ADGRL4: variants seen among roughly 807,000 people sequenced by gnomAD.
ADGRL4 encodes adhesion G protein-coupled receptor L4.
Under a neutral mutation model 74.8 loss-of-function variants are expected in ADGRL4, and 90 were observed. The observed-to-expected ratio is 1.20, with a 90% CI of 1.02 to 1.43. The LOEUF (loss-of-function observed/expected upper bound fraction) is 1.43, where lower values mean the gene tolerates loss of function less well. Ranked by LOEUF, ADGRL4 falls within the 40% of genes most tolerant of loss-of-function variation. ADGRL4 has a pLI of 0.00. For synonymous variants in ADGRL4, 311 were observed against 279.2 expected, an observed-to-expected ratio of 1.11 and a Z score of -1.14; for missense variants, 881 against 814.3, an observed-to-expected ratio of 1.08 and a Z score of -1.00.
intron 7 of ADGRL4, among the ~76,000 whole-genome samples, chr1:78,928,870 TG>T (rs1649175571): frequency 6.6e-6 from 1 of 151,502 alleles, no homozygotes; most frequent in Non-Finnish European, 1.5e-5. Flanking sequence ...AGAAAACTAC[TG>T]GGGTGACAGG....
At position 78,946,316 on chromosome 1, in the gene ADGRL4, T is replaced by C. The variant is rs1383811769; in HGVS notation, c.283A>G (p.Asn95Asp). 5 of 1,613,288 alleles carry C rather than the reference T, an allele frequency of 3.1e-6. No individual in the cohort carries two copies. In the South Asian group the frequency reaches 4.4e-5, roughly 14 times the overall value. Residue 95 changes from asparagine to aspartate, a missense_variant, in exon 3 of 15, where the codon AAC becomes GAC. Physicochemically the swap from Asn to Asp is conservative, Grantham distance 23. Transcript: ENST00000370742. ...TCATTAGTGATAAACCTGTCTTGGTTACTGCTGGATCTGAAGCCAGGTACA... is the reference window on the plus strand; with the variant it reads ...TCATTAGTGATAAACCTGTCTTGGTCACTGCTGGATCTGAAGCCAGGTACA... ...MCVPGFRSSS[N>D]QDRFITNDGT...
chr1:78,950,073 T>G (rs764721844), intron 2 of ADGRL4, among the ~76,000 whole-genome samples: 1 of 152,038 alleles, frequency 6.6e-6, no homozygotes, highest in Non-Finnish European at 1.5e-5. Context: ...AAAGAGGTAT[T>G]TAGTAGTACA....
chr1:78,987,058 G>C (rs1233481180), intron 2 of ADGRL4, among the ~76,000 whole-genome samples: 2 of 151,788 alleles, frequency 1.3e-5, no homozygotes, highest in Admixed American at 6.6e-5. Context: ...GCTATTTTAA[G>C]TAGTAAATTT....
chr1:78,904,487 TATAAG>T (rs1648589721), intron 12 of ADGRL4, among the ~76,000 whole-genome samples: 1 of 152,004 alleles, frequency 6.6e-6, no homozygotes, highest in Admixed American at 6.6e-5. Flanking sequence ...TTATATACTG[TATAAG>T]ATAATTTATA....
At chr1:78,914,420 A>G (rs1404219154) in intron 12 of ADGRL4, among the ~76,000 whole-genome samples, 2 of 151,842 alleles carry the variant, frequency 1.3e-5, no homozygotes, top group Non-Finnish European at 2.9e-5. Context: ...GGTGAACTTA[A>G]TCATACGGTT....
At chr1:78,980,807 G>T (rs1176977651) in intron 2 of ADGRL4, among the ~76,000 whole-genome samples, 1 of 151,920 alleles carries the variant, frequency 6.6e-6, no homozygotes, top group African/African-American at 2.4e-5. Flanking sequence ...GCAGAAAGTA[G>T]ATATGACAAC....
At chr1:78,948,115 A>G (rs542493088) in intron 2 of ADGRL4, among the ~76,000 whole-genome samples, 4 of 152,212 alleles carry the variant, frequency 2.6e-5, no homozygotes, top group African/African-American at 9.6e-5. Flanking sequence ...TTTTTACTTT[A>G]CCATAGTTAC....
intron 7 of ADGRL4, among the ~76,000 whole-genome samples, chr1:78,935,543 C>T (rs201699478): frequency 7.7e-6 from 1 of 129,886 alleles, no homozygotes; most frequent in Non-Finnish European, 1.7e-5. Context: ...AAAAAAAAAA[C>T]AAACCTACTT....
intron 13 of ADGRL4, among the ~76,000 whole-genome samples, chr1:78,892,032 T>C (rs983696064): frequency 6.6e-6 from 1 of 152,162 alleles, no homozygotes; most frequent in Non-Finnish European, 1.5e-5. Flanking sequence ...AATGTAATGT[T>C]GCAGGAATTC....
chr1:78,902,778 A>G (rs1356112635), intron 12 of ADGRL4, among the ~76,000 whole-genome samples: 2 of 152,080 alleles, frequency 1.3e-5, no homozygotes, highest in East Asian at 3.9e-4. Context: ...TAGTCATGAT[A>G]CCAGTGATGA....
intron 2 of ADGRL4, among the ~76,000 whole-genome samples, chr1:78,968,931 G>A (rs1050837049): frequency 1.3e-5 from 2 of 152,206 alleles, no homozygotes; most frequent in Non-Finnish European, 2.9e-5. Context: ...AAGGAAAAGT[G>A]TACAGGACTT....
In ADGRL4 at chr1:78,917,642, T is replaced by C. The variant is rs753928417; in HGVS notation, c.1741A>G (p.Ile581Val). 1.3e-6 allele frequency: 2 copies of C among 1,596,966 alleles called. No homozygotes were observed. Among genetic ancestry groups the C allele is most frequent in the Non-Finnish European group, 1.7e-6 (2 of 1,170,350 alleles). ...ATTTTATATATACATACAAGAATGA[T>C]TAGGCATGCTGGTCCTATAAAACTC... The part of the protein sequence containing the change: ...IWSFIGPACL[I>V]ILVNLLAFGV... Residue 581 changes from isoleucine to valine, a missense_variant, in exon 12 of 15, where the codon ATC becomes GTC. Transcript: ENST00000370742.
chr1:78,939,903 G>A (rs1280673778), intron 3 of ADGRL4: 2 of 152,522 alleles, frequency 1.3e-5, no homozygotes, highest in African/African-American at 4.8e-5. Context: ...AATTTTACAA[G>A]AAAGCAAGAG....
Position 78,938,151 on chromosome 1 carries a change from G to GAGA in ADGRL4, c.524_525insTCT (p.Tyr175_Lys176insLeu). ...CCTTGGCTGAGATAGTGTTGTTCTT[G>GAGA]TAACCTAGTAATGAAGATGATTCAG... On this transcript the variant is annotated inframe_insertion, in exon 5 of 15. Coordinates refer to ENST00000370742, the MANE Select transcript of ADGRL4 (RefSeq NM_022159.4). 6.2e-7 allele frequency: 1 copy of GAGA among 1,613,002 alleles called. No homozygotes were observed. Among genetic ancestry groups the GAGA allele is most frequent in the Non-Finnish European group, 8.5e-7 (1 of 1,179,608 alleles).
chr1:78,922,435 G>A (rs1423406834), intron 8 of ADGRL4, among the ~76,000 whole-genome samples: 1 of 151,928 alleles, frequency 6.6e-6, no homozygotes, highest in Non-Finnish European at 1.5e-5. Context: ...CAGTGAGTGA[G>A]GTAATGAATA....
At chr1:78,891,795 G>T in intron 13 of ADGRL4, 103 bp from the exon 14 acceptor site, 1 of 1,001,270 alleles carries the variant, frequency 1.0e-6, no homozygotes, top group Non-Finnish European at 1.4e-6. Flanking sequence ...GTATAACCAA[G>T]AAACCTTTTA....
chr1:79,003,146 C>A (rs533481637), intron 2 of ADGRL4, among the ~76,000 whole-genome samples: 1 of 152,150 alleles, frequency 6.6e-6, no homozygotes, highest in South Asian at 2.1e-4. Context: ...GGTGAGGAAT[C>A]TCTTTAGAGA....
chr1:78,941,088 A>T (rs2100691086), intron 3 of ADGRL4, among the ~76,000 whole-genome samples: 1 of 152,176 alleles, frequency 6.6e-6, no homozygotes, highest in Admixed American at 6.5e-5. Context: ...CTCCTGTAGC[A>T]CCCTCACCCC....
At chr1:78,985,220 C>T (rs925311738) in intron 2 of ADGRL4, among the ~76,000 whole-genome samples, 1 of 151,552 alleles carries the variant, frequency 6.6e-6, no homozygotes, top group African/African-American at 2.4e-5. Context: ...ATCTATCTAA[C>T]CTTTCTCTCA....
Sources: gnomAD v4.1 joint callset for allele counts (sites outside exome capture counted in the v4.1 genomes callset) on GRCh38, gnomAD v4.1.1 for gene constraint, MANE v1.5 for transcripts, NCBI Gene and HGNC (gene_info 2026-07-23, HGNC 2026-07-21) for gene names.